PDE4D: variants seen among roughly 807,000 people sequenced by gnomAD.
The protein encoded by PDE4D is 3',5'-cyclic-AMP phosphodiesterase 4D.
In PDE4D, 24 loss-of-function variants were observed where a neutral mutation model predicts 87.4. That is an observed-to-expected ratio of 0.27 (90% confidence interval 0.20 to 0.39). PDE4D has a LOEUF of 0.39. PDE4D is among the 10% of genes least tolerant of loss of function. The pLI, the probability that PDE4D is intolerant of heterozygous loss-of-function variation, is 1.00. For missense variants in PDE4D, 714 were observed against 1,041.0 expected, an observed-to-expected ratio of 0.69 and a Z score of 4.32; for synonymous variants, 384 against 383.2, an observed-to-expected ratio of 1.00 and a Z score of -0.02.
chr5:59,763,342 T>A (rs921580368), intron 1 of PDE4D, among the ~76,000 whole-genome samples: 7 of 150,072 alleles, frequency 4.7e-5, no homozygotes. Context: ...AAATAAAAAA[T>A]AAAAAAAAAT....
At chr5:59,892,002 G>T (rs1158548913) in intron 1 of PDE4D, among the ~76,000 whole-genome samples, 2 of 152,158 alleles carry the variant, frequency 1.3e-5, no homozygotes, top group African/African-American at 4.8e-5. Flanking sequence ...CACATCTAAG[G>T]TTAGATGACG....
chr5:59,359,159 T>G (rs1466116263), intron 1 of PDE4D, among the ~76,000 whole-genome samples: 1 of 152,212 alleles, frequency 6.6e-6, no homozygotes, highest in Non-Finnish European at 1.5e-5. Flanking sequence ...TCTAAAAATG[T>G]GCAAGGAAGG....
intron 2 of PDE4D, among the ~76,000 whole-genome samples, chr5:60,054,284 C>G (rs1012557449): frequency 1.3e-5 from 2 of 152,154 alleles, no homozygotes; most frequent in Non-Finnish European, 2.9e-5. Flanking sequence ...GGAACCAACC[C>G]AAACGCCCAT....
chr5:59,941,402 G>A (rs1295655623), intron 3 of PDE4D, among the ~76,000 whole-genome samples: 2 of 152,168 alleles, frequency 1.3e-5, no homozygotes, highest in African/African-American at 4.8e-5. Flanking sequence ...ATAGTTCGAA[G>A]TCAGGGCTCC....
intron 5 of PDE4D, among the ~76,000 whole-genome samples, chr5:59,121,962 T>A (rs1422934655): frequency 2.0e-5 from 3 of 151,398 alleles, no homozygotes; most frequent in African/African-American, 7.3e-5. Flanking sequence ...GCCAATATGG[T>A]GAAACCCCAT....
intron 1 of PDE4D, among the ~76,000 whole-genome samples, chr5:59,606,256 GA>G (rs1447923125): frequency 2.0e-5 from 3 of 152,142 alleles, no homozygotes; most frequent in African/African-American, 7.2e-5. Flanking sequence ...TTAACTAAAG[GA>G]ATTCAATTAA....
intron 2 of PDE4D, among the ~76,000 whole-genome samples, chr5:60,182,137 A>G (rs1392660189): frequency 6.6e-6 from 1 of 152,238 alleles, no homozygotes; most frequent in African/African-American, 2.4e-5. Flanking sequence ...AAAGAACAAT[A>G]TAAAATAAGC....
rs567829662 is a variant in PDE4D, at chr5:59,422,104, T to C, written c.456-206136A>G. Among the ~76,000 whole-genome samples, 5 of 152,308 alleles carry C rather than the reference T, an allele frequency of 3.3e-5. No individual in the cohort carries two copies. In the South Asian group the frequency reaches 1.0e-3, roughly 32 times the overall value. ...ACAAAAATAGGCACCTAACATAGTC[T>C]GAGCGTTTGGAGAATATTTCCCTGG... On this transcript the variant is annotated intron_variant, in intron 1 of 14. Transcript: ENST00000340635.
At chr5:60,460,166 T>TTGAACATTTCATCAAATCCTTTCCAGA in intron 1 of PDE4D, 2 of 1,588,648 alleles carry the variant, frequency 1.3e-6, no homozygotes, top group Admixed American at 1.7e-5. Context: ...TGCATTTGAC[T>TTGAACATTTCATCAAATCCTTTCCAGA]TGAACATTTC....
At chr5:59,344,556 A>G (rs1485404244) in intron 1 of PDE4D, among the ~76,000 whole-genome samples, 1 of 151,776 alleles carries the variant, frequency 6.6e-6, no homozygotes, top group Non-Finnish European at 1.5e-5. Flanking sequence ...GCACCATCAC[A>G]CCCTACTAAT....
chr5:59,105,565 CA>C (rs1771456342), intron 5 of PDE4D, among the ~76,000 whole-genome samples: 3 of 152,058 alleles, frequency 2.0e-5, no homozygotes, highest in Admixed American at 6.6e-5. Flanking sequence ...AGGATTTAAT[CA>C]AAACTGTCAG....
chr5:59,738,740 T>C (rs1390567613), intron 1 of PDE4D, among the ~76,000 whole-genome samples: 1 of 151,738 alleles, frequency 6.6e-6, no homozygotes, highest in Non-Finnish European at 1.5e-5. Flanking sequence ...CTCTAGAGTA[T>C]ATTTATCTTT....
At chr5:59,235,929 C>A (rs1756323399) in intron 1 of PDE4D, among the ~76,000 whole-genome samples, 1 of 152,048 alleles carries the variant, frequency 6.6e-6, no homozygotes, top group Non-Finnish European at 1.5e-5. Context: ...CATATCAGAC[C>A]AGCTTTGCAA....
At chr5:59,480,642 C>T (rs1312750968) in intron 1 of PDE4D, among the ~76,000 whole-genome samples, 3 of 152,076 alleles carry the variant, frequency 2.0e-5, no homozygotes, top group African/African-American at 7.2e-5. Context: ...ATGGGAATAC[C>T]CCATGAAGCC....
At chr5:59,275,894 A>C (rs1764704103) in intron 1 of PDE4D, 4 of 985,280 alleles carry the variant, frequency 4.1e-6, no homozygotes, top group Non-Finnish European at 4.8e-6. Context: ...AGCACAGGAA[A>C]ACACTCCTCT....
intron 1 of PDE4D, among the ~76,000 whole-genome samples, chr5:59,590,103 G>T (rs1825710393): frequency 6.6e-6 from 1 of 152,068 alleles, no homozygotes; most frequent in Non-Finnish European, 1.5e-5. Context: ...AAATATAAAA[G>T]AATAGGCTTG....
chr5:59,053,527 AAATT>A (rs1197954956), intron 5 of PDE4D, among the ~76,000 whole-genome samples: 1 of 151,982 alleles, frequency 6.6e-6, no homozygotes, highest in African/African-American at 2.4e-5. Context: ...AGATTTACTA[AAATT>A]ATTATATGTG....
intron 1 of PDE4D, among the ~76,000 whole-genome samples, chr5:59,380,419 A>G (rs2547919): frequency 0.14 from 20,882 of 148,902 alleles, 1,597 homozygotes; most frequent in East Asian, 0.22. Context: ...GAGAGAAAGA[A>G]GTGAGAAAGA....
chr5:59,752,092 A>G (rs1294290977), intron 1 of PDE4D, among the ~76,000 whole-genome samples: 2 of 152,140 alleles, frequency 1.3e-5, no homozygotes, highest in Non-Finnish European at 1.5e-5. Context: ...CTATTGTTTT[A>G]TGGTTGAGTA....
Sources: allele counts gnomAD v4.1 joint callset (sites outside exome capture counted in the v4.1 genomes callset), GRCh38; gene constraint gnomAD v4.1.1; transcripts MANE v1.5; gene names NCBI Gene and HGNC (gene_info 2026-07-23, HGNC 2026-07-21).